Variants in TAFA2 observed in about 807,000 individuals in gnomAD.
The protein encoded by TAFA2 is TAFA chemokine like family member 2.
In TAFA2, 7 loss-of-function variants were observed where a neutral mutation model predicts 18.8. The ratio of observed to expected loss-of-function variants is 0.37; its 90% CI spans 0.21 to 0.70. TAFA2 has a LOEUF of 0.70. Among genes scored for constraint, TAFA2 ranks in the 30% least tolerant of loss-of-function variants. The pLI is 0.53. For synonymous variants in TAFA2, 60 were observed against 54.2 expected (o/e 1.11, Z -0.47); for missense variants, 122 against 158.1 (o/e 0.77, Z 1.23).
At chr12:61,808,524 A>G (rs1871724490) in intron 2 of TAFA2, among the ~76,000 whole-genome samples, 1 of 151,446 alleles carries the variant, frequency 6.6e-6, no homozygotes, top group Non-Finnish European at 1.5e-5. Flanking sequence ...ACTAACCTTA[A>G]AATATGATTA....
intron 2 of TAFA2, among the ~76,000 whole-genome samples, chr12:61,848,068 T>A: frequency 6.6e-6 from 1 of 152,236 alleles, no homozygotes; most frequent in Non-Finnish European, 1.5e-5. Flanking sequence ...TCCAGTGAGT[T>A]AGCTATAACT....
intron 1 of TAFA2, among the ~76,000 whole-genome samples, chr12:62,048,017 A>AT (rs1881954095): frequency 6.6e-6 from 1 of 152,302 alleles, no homozygotes; most frequent in Middle Eastern, 3.4e-3. Flanking sequence ...TTTTCAAATA[A>AT]TTTTTTGTGA....
intron 1 of TAFA2, among the ~76,000 whole-genome samples, chr12:61,959,067 T>C (rs1238440171): frequency 2.0e-5 from 3 of 152,022 alleles, no homozygotes; most frequent in Non-Finnish European, 4.4e-5. Flanking sequence ...TCTTTTCTTG[T>C]ATTGACTTGA....
rs183995671 is a variant in TAFA2, at chr12:61,996,845, C to T, written c.-1-129419G>A. 1.3e-3 allele frequency among the ~76,000 whole-genome samples: 195 copies of T among 152,168 alleles called. 1 individual carries two copies. Among genetic ancestry groups the T allele is most frequent in the Admixed American group, 0.012 (181 of 15,276 alleles). ...TATTTCTCTATTTTTATAACCTTAC[C>T]AAGAAAAAACAAAATTTCTGAATCC... On this transcript the variant is annotated intron_variant, in intron 1 of 4. Coordinates refer to ENST00000416284, the MANE Select transcript of TAFA2 (RefSeq NM_178539.5).
chr12:61,786,540 A>G (rs977656858), intron 2 of TAFA2, among the ~76,000 whole-genome samples: 14 of 151,796 alleles, frequency 9.2e-5, no homozygotes, highest in Middle Eastern at 3.4e-3. Flanking sequence ...TAGTAAACAA[A>G]GACATTAAAT....
At chr12:61,809,264 C>T (rs1416307558) in intron 2 of TAFA2, among the ~76,000 whole-genome samples, 1 of 151,430 alleles carries the variant, frequency 6.6e-6, no homozygotes, top group Non-Finnish European at 1.5e-5. Context: ...CATTATGAAC[C>T]TCAGTTTTCT....
At chr12:61,969,767 T>A (rs1050414127) in intron 1 of TAFA2, among the ~76,000 whole-genome samples, 1 of 151,680 alleles carries the variant, frequency 6.6e-6, no homozygotes, top group African/African-American at 2.4e-5. Flanking sequence ...TAGAACTCAA[T>A]ACACGTTTGA....
chr12:61,826,899 A>G (rs1379091029), intron 2 of TAFA2, among the ~76,000 whole-genome samples: 1 of 152,054 alleles, frequency 6.6e-6, no homozygotes, highest in African/African-American at 2.4e-5. Context: ...TAGAGGCAAT[A>G]TTTCATTACA....
At chr12:61,970,295 T>A (rs1331977747) in intron 1 of TAFA2, among the ~76,000 whole-genome samples, 1 of 151,622 alleles carries the variant, frequency 6.6e-6, no homozygotes, top group East Asian at 1.9e-4. Flanking sequence ...AGGGTAAAAT[T>A]TGTTAACAAG....
chr12:62,235,061 T>C, intron 1 of TAFA2: 1 of 626,332 alleles, frequency 1.6e-6, no homozygotes, highest in Non-Finnish European at 3.1e-6. Context: ...CAGTGGAAGC[T>C]GAGACTGGCA....
chr12:62,188,929 A>T (rs1317660114), intron 1 of TAFA2, among the ~76,000 whole-genome samples: 1 of 152,194 alleles, frequency 6.6e-6, no homozygotes, highest in Non-Finnish European at 1.5e-5. Context: ...ACATAAATCC[A>T]TAGGCAACTC....
At chr12:62,141,971 A>AGTATTAACAACCAC (rs2062243700) in intron 1 of TAFA2, among the ~76,000 whole-genome samples, 1 of 152,210 alleles carries the variant, frequency 6.6e-6, no homozygotes, top group Non-Finnish European at 1.5e-5. Context: ...TGTTTCTGTA[A>AGTATTAACAACCAC]GTATTAACAA....
chr12:62,010,263 C>G (rs546553175), intron 1 of TAFA2, among the ~76,000 whole-genome samples: 43 of 151,938 alleles, frequency 2.8e-4, no homozygotes, highest in African/African-American at 8.9e-4. Context: ...CTCCCTGCCC[C>G]GGGCTCCCGT....
intron 2 of TAFA2, among the ~76,000 whole-genome samples, chr12:61,760,461 G>C (rs1017673638): frequency 3.4e-5 from 5 of 148,958 alleles, no homozygotes; most frequent in African/African-American, 1.2e-4. Flanking sequence ...CATGAAATAT[G>C]TATGCATACG....
intron 1 of TAFA2, among the ~76,000 whole-genome samples, chr12:62,158,572 A>C (rs1405511268): frequency 6.6e-6 from 1 of 152,212 alleles, no homozygotes; most frequent in Admixed American, 6.5e-5. Flanking sequence ...TCCTAGACTA[A>C]GGACTCTTAA....
chr12:62,136,767 CGCAT>C (rs1176791691), intron 1 of TAFA2, among the ~76,000 whole-genome samples: 2 of 152,062 alleles, frequency 1.3e-5, no homozygotes, highest in Non-Finnish European at 2.9e-5. Flanking sequence ...CAATTTCTCT[CGCAT>C]GCAGAGAGTG....
chr12:61,974,064 ATTGTG>A (rs1378795550), intron 1 of TAFA2, among the ~76,000 whole-genome samples: 2 of 151,812 alleles, frequency 1.3e-5, no homozygotes, highest in Non-Finnish European at 2.9e-5. Flanking sequence ...TAGACCAGCT[ATTGTG>A]TTAACTACAA....
chr12:61,755,286 A>C (rs1341686286), intron 2 of TAFA2, among the ~76,000 whole-genome samples: 4 of 152,154 alleles, frequency 2.6e-5, no homozygotes, highest in Non-Finnish European at 5.9e-5. Flanking sequence ...TCTGATACAG[A>C]AGCAGTATGT....
At position 61,861,196 on chromosome 12, in the gene TAFA2, C is replaced by A. The variant is rs545682993; in HGVS notation, c.106+6124G>T. Among the ~76,000 whole-genome samples the A allele has an allele frequency of 3.3e-5, 5 of 151,798 alleles. No homozygotes were observed. In the East Asian group the frequency reaches 9.7e-4, roughly 30 times the overall value. On this transcript the variant is annotated intron_variant, in intron 2 of 4. Coordinates refer to ENST00000416284, the MANE Select transcript of TAFA2 (RefSeq NM_178539.5). ...TGAAATCCTGGCCTTAAGTGATCCACCGGCTTCCGCCTCCCTAAGTGCTGG... is the reference window on the plus strand; with the variant it reads ...TGAAATCCTGGCCTTAAGTGATCCAACGGCTTCCGCCTCCCTAAGTGCTGG...
Sources: allele counts gnomAD v4.1 joint callset (sites outside exome capture counted in the v4.1 genomes callset), GRCh38; gene constraint gnomAD v4.1.1; transcripts MANE v1.5; gene names NCBI Gene and HGNC (gene_info 2026-07-23, HGNC 2026-07-21).